TMEM132B: variants seen among roughly 807,000 people sequenced by gnomAD.
The protein encoded by TMEM132B is transmembrane protein 132B.
A neutral mutation model predicts 90.8 loss-of-function variants in TMEM132B; 18 were observed. The ratio of observed to expected loss-of-function variants is 0.20; its 90% CI spans 0.14 to 0.29. The LOEUF (loss-of-function observed/expected upper bound fraction) is 0.29. Ranked by LOEUF, TMEM132B falls within the 10% of genes least tolerant of loss-of-function variation. TMEM132B has a pLI of 1.00. For missense variants in TMEM132B, 1,096 were observed against 1,326.8 expected, an observed-to-expected ratio of 0.83 and a Z score of 2.70; for synonymous variants, 504 against 523.3, an observed-to-expected ratio of 0.96 and a Z score of 0.50.
At chr12:125,528,528 T>C (rs1251658514) in intron 4 of TMEM132B, among the ~76,000 whole-genome samples, 1 of 152,194 alleles carries the variant, frequency 6.6e-6, no homozygotes, top group African/African-American at 2.4e-5. Flanking sequence ...TGTATGCCTC[T>C]TCTGTGCCGA....
At chr12:125,358,186 C>A (rs1246625440) in intron 2 of TMEM132B, among the ~76,000 whole-genome samples, 1 of 152,040 alleles carries the variant, frequency 6.6e-6, no homozygotes, top group Non-Finnish European at 1.5e-5. Context: ...TAGAAATACA[C>A]ACAATTGAAA....
At chr12:125,340,288 C>T (rs1461982611) in intron 1 of TMEM132B, among the ~76,000 whole-genome samples, 1 of 152,138 alleles carries the variant, frequency 6.6e-6, no homozygotes, top group African/African-American at 2.4e-5. Flanking sequence ...AAAATAAACT[C>T]AAACTGCGAA....
intron 2 of TMEM132B, among the ~76,000 whole-genome samples, chr12:125,356,934 C>T (rs1490993759): frequency 2.6e-5 from 4 of 152,200 alleles, no homozygotes; most frequent in African/African-American, 4.8e-5. Context: ...TTTGTGTTAA[C>T]GACGTAAGAT....
intron 4 of TMEM132B, among the ~76,000 whole-genome samples, chr12:125,570,219 A>G (rs767246726): frequency 2.0e-5 from 3 of 152,198 alleles, no homozygotes; most frequent in Admixed American, 6.5e-5. Flanking sequence ...TAGAACCTCC[A>G]TATGTACTGA....
chr12:125,545,112 G>C (rs888119700), intron 4 of TMEM132B, among the ~76,000 whole-genome samples: 1 of 152,148 alleles, frequency 6.6e-6, no homozygotes, highest in Non-Finnish European at 1.5e-5. Flanking sequence ...AAGGGGAGGA[G>C]GCTCAATGTT....
chr12:125,231,915 C>T (rs147753669), intron 1 of TMEM132B, among the ~76,000 whole-genome samples: 38 of 151,754 alleles, frequency 2.5e-4, no homozygotes, highest in African/African-American at 5.5e-4. Flanking sequence ...GTCTTTCACT[C>T]TAAAAATACC....
At chr12:125,612,035 A>G (rs538022213) in intron 5 of TMEM132B, among the ~76,000 whole-genome samples, 3 of 152,192 alleles carry the variant, frequency 2.0e-5, no homozygotes, top group African/African-American at 7.2e-5. Context: ...TGAATTTTCT[A>G]TTTATTCTCT....
Position 125,300,117 on chromosome 12 carries a change from C to T in TMEM132B, c.68-49335C>T, listed in dbSNP as rs576830839. On this transcript the variant is annotated intron_variant, in intron 1 of 8. Coordinates refer to ENST00000682704, the MANE Select transcript of TMEM132B (RefSeq NM_001366854.1). ...CAGATACCTCCAGGCCTGCTCTCTC[C>T]CTTTCTTCACGATCACCCCACCTAA... Among the ~76,000 whole-genome samples the T allele has an allele frequency of 2.5e-3, 385 of 152,328 alleles. 2 individuals are homozygous for T. Among genetic ancestry groups the T allele is most frequent in the African/African-American group, 8.8e-3 (367 of 41,566 alleles).
chr12:125,652,310 C>G (rs1009925172), intron 7 of TMEM132B, 131 bp from the exon 8 acceptor site: 15 of 777,318 alleles, frequency 1.9e-5, no homozygotes, highest in Middle Eastern at 7.7e-4. Flanking sequence ...CATAATACTT[C>G]CCTAACCGAT....
intron 2 of TMEM132B, among the ~76,000 whole-genome samples, chr12:125,375,096 G>T (rs1449876294): frequency 6.6e-6 from 1 of 152,188 alleles, no homozygotes; most frequent in Non-Finnish European, 1.5e-5. Flanking sequence ...GTCAGAAATT[G>T]TACTGCAACT....
chr12:125,384,805 C>A (rs149355157), intron 2 of TMEM132B, among the ~76,000 whole-genome samples: 6 of 152,308 alleles, frequency 3.9e-5, no homozygotes, highest in African/African-American at 1.4e-4. Context: ...AGCGTGCTAC[C>A]ATGTCCGGCT....
rs1421743638 is a variant in TMEM132B, at chr12:125,268,678, CGT to C, written c.68-80773_68-80772del. On this transcript the variant is annotated intron_variant, in intron 1 of 8. Transcript: ENST00000682704. ...TGCAAGGTTCATGAGAAACTGATAA[CGT>C]TGCTTGCTTCTGGGGAGTTGAGTGT... Among the ~76,000 whole-genome samples the C allele has an allele frequency of 2.6e-5, 4 of 152,258 alleles. No homozygotes were observed. In the East Asian group the frequency reaches 7.7e-4, roughly 29 times the overall value.
chr12:125,260,159 A>G (rs1874529140), intron 1 of TMEM132B, among the ~76,000 whole-genome samples: 2 of 152,072 alleles, frequency 1.3e-5, no homozygotes, highest in South Asian at 4.2e-4. Flanking sequence ...TTGTTCTGTC[A>G]TTTTGCCACC....
intron 3 of TMEM132B, among the ~76,000 whole-genome samples, chr12:125,425,171 A>G (rs1452229904): frequency 1.3e-5 from 2 of 152,186 alleles, no homozygotes; most frequent in Admixed American, 1.3e-4. Context: ...GCCTGTCCAG[A>G]GCAGGTAGTG....
At chr12:125,262,638 G>T (rs1874594969) in intron 1 of TMEM132B, among the ~76,000 whole-genome samples, 1 of 152,182 alleles carries the variant, frequency 6.6e-6, no homozygotes, top group East Asian at 1.9e-4. Flanking sequence ...TTGAACTATA[G>T]TTTTTCTTAT....
chr12:125,355,860 T>C (rs913885170), intron 2 of TMEM132B, among the ~76,000 whole-genome samples: 1 of 152,186 alleles, frequency 6.6e-6, no homozygotes, highest in African/African-American at 2.4e-5. Flanking sequence ...CTGCACATTG[T>C]AGAGGGGCCC....
chr12:125,284,484 T>A (rs1875291196), intron 1 of TMEM132B, among the ~76,000 whole-genome samples: 1 of 152,132 alleles, frequency 6.6e-6, no homozygotes, highest in African/African-American at 2.4e-5. Context: ...TCTCTCTTCC[T>A]CCCCCCTGCT....
At chr12:125,187,727 A>C (rs1202843201) in intron 1 of TMEM132B, among the ~76,000 whole-genome samples, 1 of 151,922 alleles carries the variant, frequency 6.6e-6, no homozygotes, top group Non-Finnish European at 1.5e-5. Flanking sequence ...GTGTGGCTAC[A>C]TGTTGGTTCT....
Position 125,407,995 on chromosome 12 carries a change from T to C in TMEM132B, c.960-7536T>C, listed in dbSNP as rs144073185. Among the ~76,000 whole-genome samples the C allele has an allele frequency of 6.6e-6, 1 of 152,196 alleles. No individual in the cohort carries two copies. Among genetic ancestry groups the C allele is most frequent in the Non-Finnish European group, 1.5e-5 (1 of 68,036 alleles). ...GGCATGCAGAAGGAGAGACAGAGCA[T>C]GGCAGGGTCCCCAGAAGCCCAGCAG... On this transcript the variant is annotated intron_variant, in intron 2 of 8. Coordinates refer to ENST00000682704, the MANE Select transcript of TMEM132B (RefSeq NM_001366854.1). This position sits in a 1 kb window ranked among gnomAD's most constrained non-coding sequence, Gnocchi z 6.7.
Sources: gnomAD v4.1 joint callset for allele counts (sites outside exome capture counted in the v4.1 genomes callset) on GRCh38, gnomAD v4.1.1 for gene constraint, Gnocchi (gnomAD v3.1) non-coding constraint, MANE v1.5 for transcripts, NCBI Gene and HGNC (gene_info 2026-07-23, HGNC 2026-07-21) for gene names.